The following LIPI variants were observed in gnomAD, a reference collection of about 807,000 sequenced individuals.
The protein encoded by LIPI is lipase member I.
A neutral mutation model predicts 50.6 loss-of-function variants in LIPI; 59 were observed. The ratio of observed to expected loss-of-function variants is 1.16; its 90% CI spans 0.94 to 1.45. The LOEUF (loss-of-function observed/expected upper bound fraction) is 1.45. Ranked by LOEUF, LIPI falls within the 40% of genes most tolerant of loss-of-function variation. The pLI, the probability that LIPI is intolerant of heterozygous loss-of-function variation, is 0.00. For synonymous variants in LIPI, 203 were observed against 178.2 expected, an observed-to-expected ratio of 1.14 and a Z score of -1.11; for missense variants, 586 against 536.3, an observed-to-expected ratio of 1.09 and a Z score of -0.92.
In LIPI at chr21:14,118,751, CA is replaced by C. The variant is rs139291857; in HGVS notation, c.1296-9672del. ...CAGTCCCCCGGGGCTGGTAGTGAAT[CA>C]AGCACCTGTCATAGTAGAACTACTA... is the stretch of plus-strand genomic sequence containing the variant. On this transcript the variant is annotated intron_variant, in intron 9 of 9. Transcript: ENST00000681601. Among the ~76,000 whole-genome samples the C allele has an allele frequency of 7.9e-5, 12 of 152,340 alleles. No homozygotes were observed. In the East Asian group the frequency reaches 1.5e-3, roughly 20 times the overall value.
chr21:14,111,773 G>GT (rs925636021), intron 9 of LIPI, among the ~76,000 whole-genome samples: 14 of 152,120 alleles, frequency 9.2e-5, no homozygotes, highest in African/African-American at 3.4e-4. Context: ...TTTGTATAAG[G>GT]TGTGACATAA....
chr21:14,136,190 C>T (rs559361996), intron 9 of LIPI, among the ~76,000 whole-genome samples: 2 of 152,106 alleles, frequency 1.3e-5, no homozygotes, highest in Non-Finnish European at 2.9e-5. Flanking sequence ...GCATGGAGGG[C>T]CTTGGCGAGC....
At chr21:14,208,716 A>G (rs2020288207) in intron 1 of LIPI, among the ~76,000 whole-genome samples, 1 of 152,222 alleles carries the variant, frequency 6.6e-6, no homozygotes, top group Non-Finnish European at 1.5e-5. Context: ...AAGAGACTGT[A>G]TGGCCCACAA....
intron 1 of LIPI, among the ~76,000 whole-genome samples, chr21:14,196,679 A>T (rs1283868263): frequency 6.6e-6 from 1 of 151,980 alleles, no homozygotes; most frequent in Non-Finnish European, 1.5e-5. Context: ...AAAAGTAAAA[A>T]TCTAGGTCTG....
chr21:14,210,238 CT>C, intron 1 of LIPI, among the ~76,000 whole-genome samples: 1 of 147,868 alleles, frequency 6.8e-6, no homozygotes, highest in South Asian at 2.2e-4. Context: ...AAACGATACT[CT>C]TAATATTGAT....
intron 9 of LIPI, among the ~76,000 whole-genome samples, chr21:14,133,680 T>C (rs2017381451): frequency 6.6e-6 from 1 of 152,116 alleles, no homozygotes; most frequent in African/African-American, 2.4e-5. Context: ...AAAGAGGAAG[T>C]AAAATTATCT....
chr21:14,176,230 T>C (rs2019092548), intron 4 of LIPI, among the ~76,000 whole-genome samples: 1 of 151,756 alleles, frequency 6.6e-6, no homozygotes, highest in Admixed American at 6.6e-5. Flanking sequence ...AAAATAATAA[T>C]TAATTTTTAT....
intron 1 of LIPI, among the ~76,000 whole-genome samples, chr21:14,190,158 T>C (rs536701630): frequency 3.5e-4 from 53 of 152,244 alleles, no homozygotes; most frequent in African/African-American, 1.2e-3. Context: ...TAACTATCTA[T>C]CTATATATTG....
At chr21:14,206,920 A>G (rs1399631675) in intron 1 of LIPI, 1 of 1,599,272 alleles carries the variant, frequency 6.3e-7, no homozygotes, top group Non-Finnish European at 8.6e-7. Flanking sequence ...CATTTGAGCA[A>G]CATAAATAAG....
chr21:14,183,770 A>T lies in LIPI; in HGVS notation c.542-1911T>A, dbSNP rs568733568. Among the ~76,000 whole-genome samples the T allele has an allele frequency of 2.0e-5, 3 of 152,306 alleles. No individual in the cohort carries two copies. The East Asian group carries it at 5.8e-4, about 29-fold the overall frequency. On this transcript the variant is annotated intron_variant, in intron 3 of 9. Transcript: ENST00000681601. The stretch of plus-strand genomic sequence containing the variant: ...TCAGAGAAATGCAAATCAAAACCAC[A>T]ATGAGATACCATCTCACACCAGTTA...
chr21:14,182,974 C>T (rs1173118944), intron 3 of LIPI, among the ~76,000 whole-genome samples: 2 of 152,204 alleles, frequency 1.3e-5, no homozygotes, highest in Non-Finnish European at 2.9e-5. Flanking sequence ...GAAAAAACTA[C>T]TTTAAAGTTC....
At chr21:14,165,494 T>C in intron 5 of LIPI, 104 bp from the exon 6 acceptor site, 1 of 762,038 alleles carries the variant, frequency 1.3e-6, no homozygotes, top group Non-Finnish European at 2.2e-6. Flanking sequence ...ACTATGTACC[T>C]TATGAATATT....
At chr21:14,134,407 T>C (rs2017415483) in intron 9 of LIPI, among the ~76,000 whole-genome samples, 1 of 152,108 alleles carries the variant, frequency 6.6e-6, no homozygotes, top group Non-Finnish European at 1.5e-5. Flanking sequence ...TTCTATTGGA[T>C]TACCAAAGTC....
chr21:14,162,600 C>A (rs1394842198), intron 7 of LIPI, among the ~76,000 whole-genome samples: 1 of 151,806 alleles, frequency 6.6e-6, no homozygotes. Flanking sequence ...TTTCTTACTT[C>A]TACATGTAAA....
At chr21:14,139,385 G>T (rs2017622631) in intron 9 of LIPI, among the ~76,000 whole-genome samples, 1 of 151,950 alleles carries the variant, frequency 6.6e-6, no homozygotes, top group Non-Finnish European at 1.5e-5. Context: ...CTTCAATTGG[G>T]TTTAAGCATT....
chr21:14,175,379 A>G lies in LIPI; in HGVS notation c.643+6379T>C, dbSNP rs2019058236. Among the ~76,000 whole-genome samples the G allele has an allele frequency of 2.0e-5, 3 of 152,174 alleles. No individual in the cohort carries two copies. In the South Asian group the frequency reaches 6.2e-4, roughly 32 times the overall value. On this transcript the variant is annotated intron_variant, in intron 4 of 9. Coordinates refer to ENST00000681601, the MANE Select transcript of LIPI (RefSeq NM_001302998.2). ...AACTTTAAAAACTTTTTATATGTTT[A>G]TTGCCTATTCAGAATGTATCCTTCA...
At chr21:14,167,314 C>A (rs988185881) in intron 4 of LIPI, among the ~76,000 whole-genome samples, 1 of 152,218 alleles carries the variant, frequency 6.6e-6, no homozygotes, top group African/African-American at 2.4e-5. Context: ...ACAGCAGTAA[C>A]CTCTGCAGAC....
At chr21:14,127,597 A>G (rs1205757726) in intron 9 of LIPI, among the ~76,000 whole-genome samples, 1 of 152,148 alleles carries the variant, frequency 6.6e-6, no homozygotes, top group Non-Finnish European at 1.5e-5. Flanking sequence ...TTTTTTACCT[A>G]ACACATGAAT....
At chr21:14,191,112 T>A (rs189350878) in intron 1 of LIPI, among the ~76,000 whole-genome samples, 32 of 151,778 alleles carry the variant, frequency 2.1e-4, no homozygotes, top group South Asian at 1.5e-3. Flanking sequence ...GACATGGTGG[T>A]GCATGCCTGT....
Sources: gnomAD v4.1 joint callset for allele counts (sites outside exome capture counted in the v4.1 genomes callset) on GRCh38, gnomAD v4.1.1 for gene constraint, MANE v1.5 for transcripts, NCBI Gene and HGNC (gene_info 2026-07-23, HGNC 2026-07-21) for gene names.